CACNA1E: variants seen among roughly 807,000 people sequenced by gnomAD.
The protein encoded by CACNA1E is calcium voltage-gated channel subunit alpha1 E.
Under a neutral mutation model 259.2 loss-of-function variants are expected in CACNA1E, and 40 were observed. The ratio of observed to expected loss-of-function variants is 0.15; its 90% CI spans 0.12 to 0.20. CACNA1E has a LOEUF of 0.20. CACNA1E is among the 10% of genes least tolerant of loss of function. The pLI is 1.00. For synonymous variants in CACNA1E, 1,104 were observed against 1,138.5 expected (o/e 0.97, Z 0.61); for missense variants, 1,874 against 3,040.1 (o/e 0.62, Z 9.02).
chr1:181,599,661 G>C (rs746577679), intron 6 of CACNA1E, among the ~76,000 whole-genome samples: 1 of 152,196 alleles, frequency 6.6e-6, no homozygotes, highest in African/African-American at 2.4e-5. Context: ...CCAGAACCTT[G>C]CATATCGTGT....
chr1:181,643,569 CATGCCAGCCCT>C (rs1657995211), intron 6 of CACNA1E, among the ~76,000 whole-genome samples: 13 of 152,238 alleles, frequency 8.5e-5, no homozygotes, highest in Admixed American at 7.2e-4. Flanking sequence ...TGGGGTGGGC[CATGCCAGCCCT>C]TGCAGCTGAC....
intron 6 of CACNA1E, among the ~76,000 whole-genome samples, chr1:181,607,391 AG>A (rs1654333993): frequency 6.6e-6 from 1 of 152,092 alleles, no homozygotes. Flanking sequence ...CACACTCACT[AG>A]GTTTCATTTC....
At chr1:181,719,956 A>G (rs1034958605) in intron 13 of CACNA1E, 93 bp downstream of exon 13, 2 of 821,524 alleles carry the variant, frequency 2.4e-6, no homozygotes, top group African/African-American at 3.4e-5. Flanking sequence ...TTTCCCCCTT[A>G]GGGGGAAAGT....
intron 12 of CACNA1E, among the ~76,000 whole-genome samples, chr1:181,719,272 T>A (rs1654214770): frequency 6.6e-6 from 1 of 152,222 alleles, no homozygotes; most frequent in African/African-American, 2.4e-5. Flanking sequence ...AGATCCTACA[T>A]CACCATGAAC....
chr1:181,441,742 T>C (rs549353603), intron 2 of CACNA1E, among the ~76,000 whole-genome samples: 1 of 152,314 alleles, frequency 6.6e-6, no homozygotes, highest in East Asian at 1.9e-4. Context: ...TGGGTTTGCA[T>C]GGGAGCTGGG....
At chr1:181,736,252 A>G in intron 21 of CACNA1E, 23 bp from the exon 22 acceptor site, 1 of 1,564,238 alleles carries the variant, frequency 6.4e-7, no homozygotes, top group Non-Finnish European at 8.7e-7. Context: ...ATTTCTGAAG[A>G]TTTCAACGTG....
chr1:181,662,387 C>T (rs1026898347), intron 7 of CACNA1E, among the ~76,000 whole-genome samples: 2 of 152,136 alleles, frequency 1.3e-5, no homozygotes, highest in Non-Finnish European at 2.9e-5. Context: ...CCCTGGCTCC[C>T]TGTCTGGGGT....
chr1:181,654,723 G>A (rs542287591), intron 7 of CACNA1E, among the ~76,000 whole-genome samples: 56 of 152,268 alleles, frequency 3.7e-4, no homozygotes, highest in Non-Finnish European at 7.5e-4. Flanking sequence ...GCTGGCTCAC[G>A]CCTGTAATCC....
At chr1:181,343,375 A>G (rs902509076) in intron 1 of CACNA1E, among the ~76,000 whole-genome samples, 1 of 152,120 alleles carries the variant, frequency 6.6e-6, no homozygotes, top group Non-Finnish European at 1.5e-5. Context: ...TGTCCTCATG[A>G]TAATGAGTGA....
At chr1:181,632,993 C>G (rs1289246157) in intron 6 of CACNA1E, among the ~76,000 whole-genome samples, 3 of 151,970 alleles carry the variant, frequency 2.0e-5, no homozygotes, top group African/African-American at 7.3e-5. Flanking sequence ...TTATTAGCAC[C>G]CTGTATGATA....
At position 181,800,305 on chromosome 1, in the gene CACNA1E, C is replaced by G. The variant is rs1662177776; in HGVS notation, c.*1471C>G. ...GGGGCCCTGTTCACCTTGAACATGC[C>G]CCTGGGCCAAGATGGGGCTTCACCC... is the stretch of plus-strand genomic sequence containing the variant. On this transcript the variant is annotated 3_prime_UTR_variant, in exon 48 of 48. Transcript: ENST00000367573. 1 of 152,614 alleles carries G rather than the reference C, an allele frequency of 6.6e-6. No homozygotes were observed. Among genetic ancestry groups the G allele is most frequent in the South Asian group, 2.1e-4 (1 of 4,836 alleles). The allele number at this position is 152,614 out of a possible 1,614,324, so 9.5% of individuals were successfully genotyped here. A position where few individuals can be genotyped will look rare whatever the true frequency, so the allele number is the denominator to read the frequency against.
chr1:181,577,741 G>C lies in CACNA1E; in HGVS notation c.513-25G>C, dbSNP rs533698466. 1.1e-5 allele frequency: 16 copies of C among 1,511,078 alleles called. 1 individual carries two copies. In the South Asian group the frequency reaches 1.8e-4, roughly 17 times the overall value. The allele number at this position is 1,511,078 out of a possible 1,614,324, so 93.6% of individuals were successfully genotyped here. ...AGGGGAAAACCAGACTGGTAACCTT[G>C]ACCCTTCTGTGTCTCTGTCTGCAGC... On this transcript the variant is annotated intron_variant, in intron 3 of 47. Coordinates refer to ENST00000367573, the MANE Select transcript of CACNA1E (RefSeq NM_001205293.3).
At chr1:181,434,258 A>AG (rs1659922997) in intron 2 of CACNA1E, among the ~76,000 whole-genome samples, 1 of 152,218 alleles carries the variant, frequency 6.6e-6, no homozygotes, top group Non-Finnish European at 1.5e-5. Flanking sequence ...AGTTCCTGGC[A>AG]GATAGTAAAT....
intron 1 of CACNA1E, among the ~76,000 whole-genome samples, chr1:181,400,765 G>A (rs1366905738): frequency 6.6e-6 from 1 of 152,126 alleles, no homozygotes; most frequent in East Asian, 1.9e-4. Context: ...GATGGCCTGT[G>A]TTTTCCCTTG....
intron 6 of CACNA1E, among the ~76,000 whole-genome samples, chr1:181,615,468 G>A (rs112465979): frequency 0.018 from 2,805 of 152,260 alleles, 76 homozygotes; most frequent in African/African-American, 0.06. Context: ...GATTACAGGT[G>A]TGAGCCACCA....
chr1:181,407,419 G>T (rs1322041251), intron 1 of CACNA1E, among the ~76,000 whole-genome samples: 2 of 152,174 alleles, frequency 1.3e-5, no homozygotes, highest in Admixed American at 1.3e-4. Flanking sequence ...CAACCTCTCA[G>T]GCTGACACAC....
chr1:181,501,714 G>A (rs920520720), intron 1 of CACNA1E, among the ~76,000 whole-genome samples: 12 of 151,160 alleles, frequency 7.9e-5, no homozygotes, highest in Non-Finnish European at 1.8e-4. Flanking sequence ...GACAGCAGGA[G>A]TGGGGAAGAG....
intron 7 of CACNA1E, among the ~76,000 whole-genome samples, chr1:181,705,375 A>G (rs1043332649): frequency 6.6e-6 from 1 of 152,248 alleles, no homozygotes; most frequent in African/African-American, 2.4e-5. Context: ...TATATTTCTC[A>G]TGTAAACTGC....
intron 4 of CACNA1E, among the ~76,000 whole-genome samples, 153 bp downstream of exon 4, chr1:181,578,022 G>A (rs574883812): frequency 1.3e-5 from 2 of 152,266 alleles, no homozygotes; most frequent in South Asian, 2.1e-4. Flanking sequence ...GCAATCTGGT[G>A]TAACATTTTA....
Sources: allele counts gnomAD v4.1 joint callset (sites outside exome capture counted in the v4.1 genomes callset), GRCh38; gene constraint gnomAD v4.1.1; transcripts MANE v1.5; gene names NCBI Gene and HGNC (gene_info 2026-07-23, HGNC 2026-07-21).